The following NDUFAF1 variants were observed in gnomAD, a reference collection of about 807,000 sequenced individuals.
NDUFAF1 encodes NADH:ubiquinone oxidoreductase complex assembly factor 1, also known as complex I intermediate-associated protein 30, mitochondrial.
NDUFAF1 carries 18 observed loss-of-function variants against 28.7 expected under a neutral mutation model. The observed-to-expected ratio is 0.63, with a 90% confidence interval of 0.43 to 0.93. The LOEUF is 0.93. NDUFAF1 is among the 40% of genes least tolerant of loss of function. The pLI is 0.00. For missense variants in NDUFAF1, 404 were observed against 398.3 expected, an observed-to-expected ratio of 1.01 and a Z score of -0.12; for synonymous variants, 113 against 139.7, an observed-to-expected ratio of 0.81 and a Z score of 1.35.
intron 1 of NDUFAF1, among the ~76,000 whole-genome samples, chr15:41,400,688 A>ATTTTTTTTT (rs58010983): frequency 5.1e-5 from 5 of 97,820 alleles, no homozygotes; most frequent in South Asian, 3.9e-4. Flanking sequence ...ATGCCCAGCT[A>ATTTTTTTTT]TTTTTTTTTT....
chr15:41,389,360 C>T (rs2050291618), intron 3 of NDUFAF1, among the ~76,000 whole-genome samples: 1 of 150,918 alleles, frequency 6.6e-6, no homozygotes, highest in Non-Finnish European at 1.5e-5. Flanking sequence ...CAGGTATGAA[C>T]CACCACACCC....
At chr15:41,390,930 G>A (rs2050308643) in intron 3 of NDUFAF1, among the ~76,000 whole-genome samples, 1 of 151,870 alleles carries the variant, frequency 6.6e-6, no homozygotes, top group Non-Finnish European at 1.5e-5. Context: ...TACTCGGGAG[G>A]CTGAGGCAGA....
chr15:41,395,359 CT>C (rs1474122518), intron 2 of NDUFAF1, among the ~76,000 whole-genome samples: 1 of 148,726 alleles, frequency 6.7e-6, no homozygotes, highest in Non-Finnish European at 1.5e-5. Context: ...TTTTTCTTTT[CT>C]TTTCTTTTCT....
At chr15:41,388,041 T>G (rs538655051) in intron 4 of NDUFAF1, among the ~76,000 whole-genome samples, 1 of 151,720 alleles carries the variant, frequency 6.6e-6, no homozygotes, top group South Asian at 2.1e-4. Context: ...ACCCGGGAGG[T>G]AGAGGTTGCA....
rs551792777 is a variant in NDUFAF1 at position 41,393,589 on chromosome 15, C to CTTTTTTTTTTTT, written c.759+1269_759+1270insAAAAAAAAAAAA. On this transcript the variant is annotated intron_variant, in intron 3 of 4. Coordinates refer to ENST00000260361, the MANE Select transcript of NDUFAF1 (RefSeq NM_016013.4). ...ACAGGCGTAAGCCACCGCGGCCGGC[C>CTTTTTTTTTTTT]TTTTTTTTTTTGAGATGGAGTCTCA... Among the ~76,000 whole-genome samples, 924 of 135,380 alleles carry CTTTTTTTTTTTT rather than the reference C, an allele frequency of 6.8e-3. 32 individuals carry two copies. Among genetic ancestry groups the CTTTTTTTTTTTT allele is most frequent in the African/African-American group, 0.025 (875 of 34,416 alleles). The allele number at this position is 135,380 out of a possible 152,430, so 88.8% of individuals were successfully genotyped here.
upstream of NDUFAF1, among the ~76,000 whole-genome samples, chr15:41,402,814 C>A (rs957445190): frequency 5.3e-5 from 8 of 150,778 alleles, no homozygotes; most frequent in Non-Finnish European, 1.2e-4. Context: ...TCACTACAAC[C>A]TCTGCCTCCC....
At chr15:41,400,959 G>A (rs2050454500) in intron 1 of NDUFAF1, among the ~76,000 whole-genome samples, 1 of 150,812 alleles carries the variant, frequency 6.6e-6, no homozygotes, top group African/African-American at 2.4e-5. Context: ...TAGGTAAAAT[G>A]ACATTATCAA....
At chr15:41,387,979 A>G (rs2050272309) in intron 4 of NDUFAF1, among the ~76,000 whole-genome samples, 1 of 152,130 alleles carries the variant, frequency 6.6e-6, no homozygotes, top group African/African-American at 2.4e-5. Context: ...GTGTGGTGGC[A>G]GGCACCTGTA....
intron 3 of NDUFAF1, among the ~76,000 whole-genome samples, chr15:41,389,341 C>T (rs1412251012): frequency 6.6e-6 from 1 of 150,956 alleles, no homozygotes; most frequent in East Asian, 1.9e-4. Flanking sequence ...ATCTGCCAAC[C>T]TTGGCCTACA....
At chr15:41,400,229 G>T (rs1487568675) in intron 1 of NDUFAF1, among the ~76,000 whole-genome samples, 1 of 151,416 alleles carries the variant, frequency 6.6e-6, no homozygotes, top group Non-Finnish European at 1.5e-5. Context: ...AAATTAGCCC[G>T]GTGTGGTGGC....
At chr15:41,392,808 T>C (rs1306195733) in intron 3 of NDUFAF1, among the ~76,000 whole-genome samples, 2 of 152,150 alleles carry the variant, frequency 1.3e-5, no homozygotes, top group South Asian at 2.1e-4. Context: ...AGGAGGTACA[T>C]TTACATGCTT....
Position 41,389,124 on chromosome 15 carries a change from C to G in NDUFAF1, c.760-602G>C, listed in dbSNP as rs1269687025. 5.9e-5 allele frequency among the ~76,000 whole-genome samples: 9 copies of G among 151,980 alleles called. No individual in the cohort carries two copies. In the South Asian group the frequency reaches 1.5e-3, roughly 25 times the overall value. ...TTGAGATAGGGTCTCACTCTGTTAC[C>G]CAGGCTGGAGTGCAGTGGTGCCATC... On this transcript the variant is annotated intron_variant, in intron 3 of 4. Coordinates refer to ENST00000260361, the MANE Select transcript of NDUFAF1 (RefSeq NM_016013.4).
chr15:41,394,981 G>A lies in NDUFAF1; in HGVS notation c.637C>T (p.Arg213Cys), dbSNP rs748877002. ...SQFNTLYLRV[R>C]GDGRPWMVNI... Reference sequence around the variant, plus strand: ...ACCATCCAAGGCCGACCATCCCCACGTACACGGAGATACAGAGTATTGAAC... The same window carrying A: ...ACCATCCAAGGCCGACCATCCCCACATACACGGAGATACAGAGTATTGAAC... The change falls in exon 3 of 5, where the codon CGT (arginine) becomes TGT (cysteine). Residue 213 changes from arginine to cysteine, a missense_variant. Coordinates refer to ENST00000260361, the MANE Select transcript of NDUFAF1 (RefSeq NM_016013.4). The A allele has an allele frequency of 8.1e-6, 13 of 1,614,008 alleles. No individual in the cohort carries two copies. Among genetic ancestry groups the A allele is most frequent in the South Asian group, 3.3e-5 (3 of 91,056 alleles).
chr15:41,392,385 C>T (rs1415607920), intron 3 of NDUFAF1, among the ~76,000 whole-genome samples: 4 of 152,068 alleles, frequency 2.6e-5, no homozygotes, highest in East Asian at 1.9e-4. Flanking sequence ...GGACTTTATT[C>T]GAATTGTAAT....
intron 3 of NDUFAF1, among the ~76,000 whole-genome samples, chr15:41,390,874 T>TA (rs1176634967): frequency 6.6e-6 from 1 of 151,298 alleles, no homozygotes; most frequent in Non-Finnish European, 1.5e-5. Context: ...CTACTAAAAA[T>TA]ACAAAAAATT....
chr15:41,397,400 C>T (rs2050404501), intron 1 of NDUFAF1, among the ~76,000 whole-genome samples: 1 of 152,090 alleles, frequency 6.6e-6, no homozygotes, highest in Admixed American at 6.6e-5. Flanking sequence ...CAAGCACACA[C>T]CACCATGCCC....
chr15:41,398,942 G>A (rs2050426673), intron 1 of NDUFAF1, among the ~76,000 whole-genome samples: 1 of 151,212 alleles, frequency 6.6e-6, no homozygotes, highest in Non-Finnish European at 1.5e-5. Context: ...GGTGACAAAA[G>A]TGAAATTCCA....
chr15:41,395,330 G>C (rs1261087002), intron 2 of NDUFAF1, among the ~76,000 whole-genome samples: 1 of 151,944 alleles, frequency 6.6e-6, no homozygotes, highest in African/African-American at 2.4e-5. Context: ...TCCTTTACCT[G>C]GTCGTATGGA....
chr15:41,394,016 C>T (rs1450027010), intron 3 of NDUFAF1: 5 of 251,110 alleles, frequency 2.0e-5, no homozygotes, highest in African/African-American at 1.8e-4. Context: ...GCCTAGGACA[C>T]TACTTTTTTT....
Sources: allele counts gnomAD v4.1 joint callset (sites outside exome capture counted in the v4.1 genomes callset), GRCh38; gene constraint gnomAD v4.1.1; transcripts MANE v1.5; gene names NCBI Gene and HGNC (gene_info 2026-07-23, HGNC 2026-07-21).